The following PHEX variants were observed in gnomAD, a reference collection of about 807,000 sequenced individuals.
PHEX encodes phosphate regulating endopeptidase X-linked, also known as phosphate-regulating neutral endopeptidase PHEX.
In PHEX, 16 loss-of-function variants were observed where a neutral mutation model predicts 68.0. That is an observed-to-expected ratio of 0.24 (90% CI 0.16 to 0.36). The LOEUF (loss-of-function observed/expected upper bound fraction) is 0.36. Ranked by LOEUF, PHEX falls within the 10% of genes least tolerant of loss-of-function variation. The probability of loss-of-function intolerance (pLI) is 1.00; values close to 1 mark genes in which losing one functional copy is unlikely to be tolerated. For synonymous variants in PHEX, 208 were observed against 205.1 expected (o/e 1.01, Z -0.12); for missense variants, 480 against 575.5 (o/e 0.83, Z 1.70).
chrX:22,151,102 A>C (rs1354562294), intron 12 of PHEX, among the ~76,000 whole-genome samples: 1 of 112,257 alleles, frequency 8.9e-6, no homozygotes, highest in Admixed American at 9.4e-5. Context: ...GCTATCTGAG[A>C]GGTAGAGAGC....
chrX:22,191,177 G>A (rs909726788), intron 15 of PHEX, among the ~76,000 whole-genome samples: 7 of 110,690 alleles, frequency 6.3e-5, no homozygotes, highest in Non-Finnish European at 1.3e-4. Flanking sequence ...GCACCACCAC[G>A]CCCAGCTAAA....
chrX:22,129,711 C>T (rs777896982), intron 11 of PHEX, among the ~76,000 whole-genome samples: 3 of 111,758 alleles, frequency 2.7e-5, no homozygotes, highest in East Asian at 2.8e-4. Flanking sequence ...TCTTCCTTTT[C>T]GCTGGATCCT....
At chrX:22,238,066 G>A (rs1421048197) in intron 20 of PHEX, among the ~76,000 whole-genome samples, 1 of 111,797 alleles carries the variant, frequency 8.9e-6, no homozygotes, top group Non-Finnish European at 1.9e-5. Context: ...TGCCTGAGGT[G>A]AGGAGTTAGT....
At chrX:22,225,655 A>C (rs1935469225) in intron 18 of PHEX, among the ~76,000 whole-genome samples, 1 of 112,451 alleles carries the variant, frequency 8.9e-6, no homozygotes. Flanking sequence ...AATTTCATAT[A>C]AGTAATTTTC....
intron 19 of PHEX, among the ~76,000 whole-genome samples, chrX:22,226,732 G>C (rs1935520756): frequency 9.0e-6 from 1 of 111,352 alleles, no homozygotes; most frequent in Non-Finnish European, 1.9e-5. Flanking sequence ...AATAATATTT[G>C]TTATTAAGAA....
At chrX:22,221,066 G>T (rs924874171) in intron 17 of PHEX, among the ~76,000 whole-genome samples, 2 of 111,876 alleles carry the variant, frequency 1.8e-5, no homozygotes, top group Non-Finnish European at 3.8e-5. Context: ...TGGGCCTTCC[G>T]TCCACACTAG....
intron 15 of PHEX, among the ~76,000 whole-genome samples, chrX:22,208,295 C>T (rs1026578723): frequency 9.0e-6 from 1 of 111,408 alleles, no homozygotes; most frequent in Admixed American, 9.6e-5. Flanking sequence ...CATGTATATG[C>T]TCACACTGGT....
intron 5 of PHEX, among the ~76,000 whole-genome samples, chrX:22,082,649 TC>T (rs1929443396): frequency 8.9e-6 from 1 of 112,504 alleles, no homozygotes; most frequent in Non-Finnish European, 1.9e-5. Context: ...TTTCTGCCGT[TC>T]TGTGGGTTGT....
At position 22,135,699 on chromosome X, in the gene PHEX, T is replaced by A. The variant is rs1602326406; in HGVS notation, c.1404+2075T>A. 2.7e-5 allele frequency among the ~76,000 whole-genome samples: 3 copies of A among 111,660 alleles called. No homozygotes were observed. In the Middle Eastern group the frequency reaches 0.014, roughly 512 times the overall value. Reference sequence around the variant, plus strand: ...TGGGTCCTTCTTGAAGCAGGACTATTCTCAGTTCTTCTAATATTAGACATG... The same window carrying A: ...TGGGTCCTTCTTGAAGCAGGACTATACTCAGTTCTTCTAATATTAGACATG... On this transcript the variant is annotated intron_variant, in intron 12 of 21. Transcript: ENST00000379374.
At chrX:22,094,174 T>A in intron 7 of PHEX, 75 bp downstream of exon 7, 2 of 596,470 alleles carry the variant, frequency 3.4e-6, no homozygotes, top group Non-Finnish European at 5.7e-6. Flanking sequence ...CCTTTCCTTT[T>A]ATTAAAGGCA....
chrX:22,047,116 G>A lies in PHEX; in HGVS notation c.254G>A (p.Cys85Tyr), dbSNP rs137853269. 1 of 1,205,959 alleles carries A rather than the reference G, an allele frequency of 8.3e-7. No individual in the cohort carries two copies. The highest frequency in any genetic ancestry group is 1.1e-6 in the Non-Finnish European group (1 of 890,248). Residue 85 changes from cysteine (C) to tyrosine (Y), a missense_variant, in exon 3 of 22, where the codon TGT becomes TAT. By Grantham distance (194) the Cys-to-Tyr change is radical (BLOSUM62 -2). Coordinates refer to ENST00000379374, the MANE Select transcript of PHEX (RefSeq NM_000444.6). ...TGTGATAATTTCTTCCGGTTCGCTT[G>A]TGATGGCTGGATAAGCAATAATCCA... Reference protein sequence around the residue: ...DPCDNFFRFACDGWISNNPIP... With the variant: ...DPCDNFFRFAYDGWISNNPIP...
At chrX:22,197,701 T>C (rs755725222) in intron 15 of PHEX, among the ~76,000 whole-genome samples, 1 of 111,580 alleles carries the variant, frequency 9.0e-6, no homozygotes, top group South Asian at 3.8e-4. Context: ...ATAGCAACTA[T>C]GTCTGGGGAT....
At chrX:22,144,352 G>C (rs769531175) in intron 12 of PHEX, among the ~76,000 whole-genome samples, 127 of 111,379 alleles carry the variant, frequency 1.1e-3, no homozygotes, top group Non-Finnish European at 2.0e-3. Context: ...GTACAAAATA[G>C]AATTTTATTA....
At chrX:22,153,042 A>C (rs746584979) in intron 12 of PHEX, among the ~76,000 whole-genome samples, 1 of 107,337 alleles carries the variant, frequency 9.3e-6, no homozygotes, top group African/African-American at 3.4e-5. Context: ...CCTAGGCTGG[A>C]GTGCAGTGGC....
chrX:22,234,015 CT>C lies in PHEX; in HGVS notation c.2070+6407del, dbSNP rs745914891. 7.1e-5 allele frequency among the ~76,000 whole-genome samples: 8 copies of C among 112,042 alleles called. No individual in the cohort carries two copies. The Admixed American group carries it at 7.5e-4, about 11-fold the overall frequency. On this transcript the variant is annotated intron_variant, in intron 20 of 21. Transcript: ENST00000379374. ...GGGTATTTTAGTAGACGTGCTGTTC[CT>C]TTCTGTTTGTTTGTTAGTTTTCCTT...
At chrX:22,212,994 A>G (rs1325859474) in intron 16 of PHEX, 36 bp downstream of exon 16, 2 of 1,004,785 alleles carry the variant, frequency 2.0e-6, no homozygotes, top group African/African-American at 1.9e-5. Context: ...TTACTGACCA[A>G]TTAGGAAGAA....
At chrX:22,104,699 C>G (rs1175106437) in intron 9 of PHEX, among the ~76,000 whole-genome samples, 1 of 111,465 alleles carries the variant, frequency 9.0e-6, no homozygotes, top group Non-Finnish European at 1.9e-5. Flanking sequence ...TTCTCCTCCT[C>G]ACTCCTGACT....
At chrX:22,106,274 A>C (rs1930681746) in intron 9 of PHEX, among the ~76,000 whole-genome samples, 1 of 111,650 alleles carries the variant, frequency 9.0e-6, no homozygotes, top group Admixed American at 9.6e-5. Flanking sequence ...ACACTGAAGA[A>C]ACTCATCAGT....
At chrX:22,163,770 G>T (rs918846096) in intron 12 of PHEX, among the ~76,000 whole-genome samples, 5 of 111,857 alleles carry the variant, frequency 4.5e-5, no homozygotes, top group African/African-American at 9.7e-5. Context: ...CTAATACTTT[G>T]CCCTTCAAGC....
Sources: gnomAD v4.1 joint callset for allele counts (sites outside exome capture counted in the v4.1 genomes callset) on GRCh38, gnomAD v4.1.1 for gene constraint, MANE v1.5 for transcripts, NCBI Gene and HGNC (gene_info 2026-07-23, HGNC 2026-07-21) for gene names.